Variants in ACOXL observed in about 807,000 individuals in gnomAD.
ACOXL encodes the protein acyl-CoA oxidase like.
Under a neutral mutation model 71.9 loss-of-function variants are expected in ACOXL, and 70 were observed. That is an observed-to-expected ratio of 0.97 (90% CI 0.80 to 1.19). ACOXL has a LOEUF of 1.19. Among genes scored for constraint, ACOXL ranks in the 50% most tolerant of loss-of-function variants. The pLI is 0.00. For synonymous variants in ACOXL, 253 were observed against 281.6 expected, an observed-to-expected ratio of 0.90 and a Z score of 1.02; for missense variants, 703 against 736.3, an observed-to-expected ratio of 0.95 and a Z score of 0.52.
chr2:110,740,903 T>A (rs1677442935), intron 1 of ACOXL, among the ~76,000 whole-genome samples: 1 of 152,202 alleles, frequency 6.6e-6, no homozygotes, highest in Admixed American at 6.5e-5. Context: ...CACTGTTAGG[T>A]TGTGGCTGAC....
intron 2 of ACOXL, among the ~76,000 whole-genome samples, chr2:110,780,387 T>C (rs1171782879): frequency 1.3e-5 from 2 of 152,224 alleles, no homozygotes; most frequent in Admixed American, 6.5e-5. Context: ...AAAAACTGTT[T>C]GGCTGTTCCT....
intron 12 of ACOXL, among the ~76,000 whole-genome samples, chr2:110,973,092 T>A (rs1377929834): frequency 6.6e-6 from 1 of 152,232 alleles, no homozygotes; most frequent in African/African-American, 2.4e-5. Flanking sequence ...ATTTTGCACA[T>A]GGTGCCATAA....
intron 11 of ACOXL, among the ~76,000 whole-genome samples, chr2:110,932,904 G>A (rs2060528204): frequency 6.6e-6 from 1 of 152,220 alleles, no homozygotes. Context: ...ATGGTGCAGG[G>A]TGACAGTTTT....
At chr2:110,853,566 G>A (rs1187880963) in intron 10 of ACOXL, among the ~76,000 whole-genome samples, 1 of 152,184 alleles carries the variant, frequency 6.6e-6, no homozygotes, top group African/African-American at 2.4e-5. Context: ...TCTAAGCATA[G>A]AAATTAAATC....
rs573449649 is a variant in ACOXL at position 110,793,670 on chromosome 2, A to C, written c.180A>C (p.Leu60=). ...TCCAGTGCGGAATAATTTATTGGCT[A>C]TTTGGTGGTGCTATCAGGAATCTCG... The part of the protein sequence containing the change: ...TGVKCGIIYW[L]FGGAIRNLGS... Residue 60 remains leucine (L), a synonymous_variant, in exon 4 of 18, where the codon CTA becomes CTC. Transcript: ENST00000439055. The C allele has an allele frequency of 6.2e-7, 1 of 1,613,970 alleles. No homozygotes were observed. Among genetic ancestry groups the C allele is most frequent in the African/African-American group, 1.3e-5 (1 of 74,976 alleles).
At position 110,784,719 on chromosome 2, in the gene ACOXL, A is replaced by G. The variant is rs764037962; in HGVS notation, c.76-13A>G. On this transcript the variant is annotated splice_polypyrimidine_tract_variant and intron_variant, in intron 2 of 17. Transcript: ENST00000439055. The stretch of plus-strand genomic sequence containing the variant: ...ATAAGGAAACCTTGATACTGAGTCT[A>G]TCATATTTTCAGGCAGAGAAAACAA... The G allele has an allele frequency of 3.1e-6, 5 of 1,594,828 alleles. No individual in the cohort carries two copies. Among genetic ancestry groups the G allele is most frequent in the Admixed American group, 1.8e-5 (1 of 56,150 alleles).
At chr2:110,760,600 G>C (rs1217774155) in intron 1 of ACOXL, among the ~76,000 whole-genome samples, 2 of 152,194 alleles carry the variant, frequency 1.3e-5, no homozygotes, top group South Asian at 2.1e-4. Context: ...CAGCCTCTCT[G>C]ATCTTGGCTG....
At chr2:110,990,999 T>A (rs1359663289) in intron 13 of ACOXL, among the ~76,000 whole-genome samples, 1 of 152,124 alleles carries the variant, frequency 6.6e-6, no homozygotes, top group Non-Finnish European at 1.5e-5. Context: ...TCTCATAGAG[T>A]TATTTTGGGG....
intron 16 of ACOXL, among the ~76,000 whole-genome samples, chr2:111,062,298 C>T (rs1366428886): frequency 6.6e-6 from 1 of 151,604 alleles, no homozygotes; most frequent in Non-Finnish European, 1.5e-5. Flanking sequence ...ATGCACCAAA[C>T]ATGACAGCTA....
chr2:110,831,266 C>T (rs528440466), intron 9 of ACOXL, among the ~76,000 whole-genome samples: 2 of 152,186 alleles, frequency 1.3e-5, no homozygotes, highest in Non-Finnish European at 2.9e-5. Flanking sequence ...ACACTTACCT[C>T]CTAGAACTAA....
At chr2:110,884,064 C>A (rs2149108461) in intron 10 of ACOXL, among the ~76,000 whole-genome samples, 1 of 152,186 alleles carries the variant, frequency 6.6e-6, no homozygotes, top group South Asian at 2.1e-4. Flanking sequence ...TCAGCTGGGC[C>A]TGAGAATTAT....
At chr2:111,049,070 G>T in intron 15 of ACOXL, 148 bp from the exon 16 acceptor site, 1 of 661,826 alleles carries the variant, frequency 1.5e-6, no homozygotes, top group Non-Finnish European at 2.6e-6. Flanking sequence ...ACCCATGCAG[G>T]GGACAGTTGG....
chr2:110,843,063 G>A (rs1373406510), intron 10 of ACOXL, among the ~76,000 whole-genome samples: 1 of 152,176 alleles, frequency 6.6e-6, no homozygotes, highest in Non-Finnish European at 1.5e-5. Context: ...CAACTGTGTG[G>A]TATGGTGGGG....
intron 10 of ACOXL, among the ~76,000 whole-genome samples, chr2:110,859,559 C>G (rs145448402): frequency 6.6e-6 from 1 of 152,244 alleles, no homozygotes; most frequent in African/African-American, 2.4e-5. Flanking sequence ...CAACTGGGTG[C>G]CTAGGGAGAA....
intron 16 of ACOXL, among the ~76,000 whole-genome samples, chr2:111,089,391 G>A (rs2068402032): frequency 6.6e-6 from 1 of 152,220 alleles, no homozygotes; most frequent in Non-Finnish European, 1.5e-5. Context: ...AGAGAAACAA[G>A]AGTCAGGTAA....
chr2:111,079,703 G>C (rs1483643905), intron 16 of ACOXL, among the ~76,000 whole-genome samples: 1 of 152,074 alleles, frequency 6.6e-6, no homozygotes, highest in Non-Finnish European at 1.5e-5. Context: ...GAGTCCTCAA[G>C]TAGCTTCTCC....
At chr2:111,019,768 C>A (rs1158413462) in intron 14 of ACOXL, among the ~76,000 whole-genome samples, 2 of 152,214 alleles carry the variant, frequency 1.3e-5, no homozygotes, top group African/African-American at 4.8e-5. Context: ...TCCTGGCAGG[C>A]CCCGCAACTG....
chr2:110,768,322 C>A, intron 1 of ACOXL, 46 bp from the exon 2 acceptor site: 1 of 1,518,746 alleles, frequency 6.6e-7, no homozygotes, highest in African/African-American at 1.4e-5. Flanking sequence ...AGCCTCCCCT[C>A]AGTCACCAAT....
intron 10 of ACOXL, among the ~76,000 whole-genome samples, chr2:110,866,511 A>G (rs535419749): frequency 1.8e-4 from 28 of 152,264 alleles, no homozygotes; most frequent in Admixed American, 1.6e-3. Context: ...GCCAGGATCA[A>G]TATTTGAATC....
Sources: allele counts gnomAD v4.1 joint callset (sites outside exome capture counted in the v4.1 genomes callset), GRCh38; gene constraint gnomAD v4.1.1; transcripts MANE v1.5; gene names NCBI Gene and HGNC (gene_info 2026-07-23, HGNC 2026-07-21).